LRCH2: variants seen among roughly 807,000 people sequenced by gnomAD.
The protein encoded by LRCH2 is leucine rich repeats and calponin homology domain containing 2, also known as leucine-rich repeat and calponin homology domain-containing protein 2.
LRCH2 carries 38 observed loss-of-function variants against 68.9 expected under a neutral mutation model. The ratio of observed to expected loss-of-function variants is 0.55; its 90% CI spans 0.43 to 0.72. LRCH2 has a LOEUF of 0.72. LRCH2 is among the 30% of genes least tolerant of loss of function. The pLI is 0.00. For missense variants in LRCH2, 528 were observed against 572.9 expected, an observed-to-expected ratio of 0.92 and a Z score of 0.80; for synonymous variants, 191 against 208.1, an observed-to-expected ratio of 0.92 and a Z score of 0.71.
intron 1 of LRCH2, among the ~76,000 whole-genome samples, chrX:115,215,842 G>A (rs2073038702): frequency 9.1e-6 from 1 of 109,407 alleles, no homozygotes; most frequent in African/African-American, 3.3e-5. Context: ...CTTGGTGTTG[G>A]CAAGGCTATT....
intron 2 of LRCH2, among the ~76,000 whole-genome samples, chrX:115,187,084 C>T (rs1188933351): frequency 1.8e-5 from 2 of 111,686 alleles, no homozygotes; most frequent in Non-Finnish European, 3.8e-5. Flanking sequence ...TCCCAAAGTG[C>T]TGGGATTACA....
intron 10 of LRCH2, 45 bp from the exon 11 acceptor site, chrX:115,163,828 T>G (rs781963560): frequency 1.5e-4 from 145 of 938,261 alleles, no homozygotes; most frequent in Non-Finnish European, 2.1e-4. Flanking sequence ...TAAGGCAGAC[T>G]ACATTTTATG....
chrX:115,214,095 T>A (rs1556570748), intron 1 of LRCH2, among the ~76,000 whole-genome samples: 1 of 112,069 alleles, frequency 8.9e-6, no homozygotes, highest in African/African-American at 3.2e-5. Flanking sequence ...TTTCCTAACA[T>A]GAAAATGAAA....
At chrX:115,226,343 T>C (rs1191536891) in intron 1 of LRCH2, among the ~76,000 whole-genome samples, 1 of 111,856 alleles carries the variant, frequency 8.9e-6, no homozygotes, top group East Asian at 2.8e-4. Context: ...TTTTTTAATG[T>C]TCAAAACAAG....
intron 1 of LRCH2, among the ~76,000 whole-genome samples, chrX:115,220,338 T>C (rs1197133026): frequency 1.8e-5 from 2 of 112,172 alleles, no homozygotes; most frequent in African/African-American, 3.2e-5. Flanking sequence ...TAGACTACAA[T>C]GGAAAGATGT....
Position 115,113,341 on chromosome X carries a change from G to A in LRCH2, c.2179-6C>T, listed in dbSNP as rs2072057012. On this transcript the variant is annotated splice_region_variant and splice_polypyrimidine_tract_variant and intron_variant, in intron 20 of 20. Coordinates refer to ENST00000317135, the MANE Select transcript of LRCH2 (RefSeq NM_020871.4). Reference sequence around the variant, plus strand: ...TGAGGCAAACAAAGTCTTTCCTGGAGAAAAAAAAGAGATATTTGAACATTC... The same window carrying A: ...TGAGGCAAACAAAGTCTTTCCTGGAAAAAAAAAAGAGATATTTGAACATTC... 1 of 1,152,767 alleles carries A rather than the reference G, an allele frequency of 8.7e-7. No individual in the cohort carries two copies. Among genetic ancestry groups the A allele is most frequent in the East Asian group, 3.0e-5 (1 of 32,873 alleles).
chrX:115,194,917 AAG>A (rs1490111991), intron 1 of LRCH2, among the ~76,000 whole-genome samples: 4 of 111,485 alleles, frequency 3.6e-5, no homozygotes, highest in Non-Finnish European at 5.6e-5. Flanking sequence ...GAGAGACTCA[AAG>A]AGGGGCTGTT....
In LRCH2 at chrX:115,189,865, T is replaced by C. The variant is rs1556556512; in HGVS notation, c.350-1495A>G. On this transcript the variant is annotated intron_variant, in intron 1 of 20. Coordinates refer to ENST00000317135, the MANE Select transcript of LRCH2 (RefSeq NM_020871.4). ...CGCGGGGTATTTCGACCTGTGGCCC[T>C]ACAGGGCCCCGATGCCCAGGAAGCG... 4.3e-6 allele frequency: 5 copies of C among 1,165,379 alleles called. No homozygotes were observed. Among genetic ancestry groups the C allele is most frequent in the East Asian group, 6.5e-5 (2 of 30,679 alleles).
intron 9 of LRCH2, 44 bp from the exon 10 acceptor site, chrX:115,165,507 T>C: frequency 9.2e-7 from 1 of 1,081,850 alleles, no homozygotes; most frequent in Non-Finnish European, 1.2e-6. Context: ...TAGTCCACTT[T>C]TATAAGATCA....
intron 1 of LRCH2, chrX:115,192,522 G>A (rs1556561473): frequency 1.7e-6 from 2 of 1,169,680 alleles, no homozygotes; most frequent in East Asian, 3.2e-5. Flanking sequence ...GGCTCCCTCT[G>A]CCCATGGAAA....
At chrX:115,142,617 C>A (rs1221933493) in intron 14 of LRCH2, among the ~76,000 whole-genome samples, 1 of 111,953 alleles carries the variant, frequency 8.9e-6, no homozygotes, top group African/African-American at 3.2e-5. Flanking sequence ...CGAAAAATTT[C>A]TTGAAACAAA....
At chrX:115,144,491 T>C (rs1205547932) in intron 14 of LRCH2, among the ~76,000 whole-genome samples, 5 of 108,203 alleles carry the variant, frequency 4.6e-5, no homozygotes, top group Admixed American at 9.9e-5. Context: ...GGCATCCAAA[T>C]TGGAAAAGAA....
chrX:115,145,783 G>A (rs1052331232), intron 14 of LRCH2, among the ~76,000 whole-genome samples: 2 of 111,404 alleles, frequency 1.8e-5, no homozygotes, highest in African/African-American at 6.5e-5. Context: ...CAAAAGACAG[G>A]CAATAACATA....
Position 115,209,619 on chromosome X carries a change from G to A in LRCH2, c.350-21249C>T, listed in dbSNP as rs1199486368. Among the ~76,000 whole-genome samples the A allele has an allele frequency of 2.7e-5, 3 of 112,002 alleles. No individual in the cohort carries two copies. In the East Asian group the frequency reaches 8.4e-4, roughly 31 times the overall value. On this transcript the variant is annotated intron_variant, in intron 1 of 20. Coordinates refer to ENST00000317135, the MANE Select transcript of LRCH2 (RefSeq NM_020871.4). ...ACAGTAAATTGGTACCAGTAGAGTG[G>A]GGCACTGCTGAAAAGATACCCAAAA...
intron 3 of LRCH2, among the ~76,000 whole-genome samples, chrX:115,182,096 G>C (rs1556552985): frequency 1.8e-5 from 2 of 111,492 alleles, no homozygotes; most frequent in Admixed American, 9.6e-5. Flanking sequence ...TTGTATATAA[G>C]AGACTTGAGC....
At chrX:115,191,738 G>A in intron 1 of LRCH2, 1 of 1,163,430 alleles carries the variant, frequency 8.6e-7, no homozygotes. Context: ...GGCCATGACA[G>A]TTCCAGCCGG....
intron 1 of LRCH2, among the ~76,000 whole-genome samples, chrX:115,208,899 G>A (rs1479772531): frequency 1.8e-5 from 2 of 111,664 alleles, no homozygotes; most frequent in African/African-American, 6.5e-5. Context: ...ATGCCATCAC[G>A]TGTATCCTTA....
intron 1 of LRCH2, chrX:115,192,981 T>C: frequency 4.4e-6 from 1 of 227,548 alleles, no homozygotes; most frequent in Non-Finnish European, 8.3e-6. Flanking sequence ...TTCATAAACA[T>C]CTGCTCACCT....
intron 14 of LRCH2, among the ~76,000 whole-genome samples, chrX:115,134,026 A>AT (rs782708316): frequency 2.7e-4 from 30 of 112,434 alleles, no homozygotes; most frequent in African/African-American, 9.0e-4. Flanking sequence ...AGTGCTACTC[A>AT]TTCCAGTGAA....
Sources: gnomAD v4.1 joint callset for allele counts (sites outside exome capture counted in the v4.1 genomes callset) on GRCh38, gnomAD v4.1.1 for gene constraint, MANE v1.5 for transcripts, NCBI Gene and HGNC (gene_info 2026-07-23, HGNC 2026-07-21) for gene names.